Variants in TENM4 observed in about 807,000 individuals in gnomAD.
The protein encoded by TENM4 is teneurin transmembrane protein 4.
In TENM4, 82 loss-of-function variants were observed where a neutral mutation model predicts 243.3. That is an observed-to-expected ratio of 0.34 (90% CI 0.28 to 0.40). TENM4 has a LOEUF of 0.40. Among genes scored for constraint, TENM4 ranks in the 10% least tolerant of loss-of-function variants. The pLI is 1.00. For synonymous variants in TENM4, 1,412 were observed against 1,456.3 expected, an observed-to-expected ratio of 0.97 and a Z score of 0.69; for missense variants, 3,138 against 3,673.3, an observed-to-expected ratio of 0.85 and a Z score of 3.77.
intron 6 of TENM4, among the ~76,000 whole-genome samples, chr11:78,952,018 C>T (rs1031689262): frequency 5.3e-5 from 8 of 152,286 alleles, no homozygotes; most frequent in Admixed American, 6.5e-5. Flanking sequence ...TGGCACACTC[C>T]GTCACCAGTT....
intron 6 of TENM4, among the ~76,000 whole-genome samples, chr11:78,983,485 G>A (rs1857849233): frequency 1.3e-5 from 2 of 152,252 alleles, no homozygotes; most frequent in South Asian, 4.1e-4. Flanking sequence ...ACACATTCCT[G>A]ATGCTCATGG....
intron 2 of TENM4, among the ~76,000 whole-genome samples, chr11:79,282,876 C>T (rs913010758): frequency 2.6e-5 from 4 of 152,062 alleles, no homozygotes; most frequent in Non-Finnish European, 4.4e-5. Context: ...GGCTGGGTCC[C>T]CAGTATTAAG....
intron 2 of TENM4, among the ~76,000 whole-genome samples, chr11:79,279,250 C>A (rs1479489116): frequency 6.6e-6 from 1 of 152,180 alleles, no homozygotes; most frequent in Non-Finnish European, 1.5e-5. Context: ...TCATCACCTT[C>A]TTCCCAGAAG....
chr11:79,439,278 C>T (rs2135632564), intron 1 of TENM4: 1 of 151,506 alleles, frequency 6.6e-6, no homozygotes, highest in East Asian at 2.0e-4. Context: ...TTCACTGCGT[C>T]GATGGTTTAC....
chr11:78,872,435 A>G, intron 9 of TENM4, among the ~76,000 whole-genome samples: 1 of 152,184 alleles, frequency 6.6e-6, no homozygotes, highest in Non-Finnish European at 1.5e-5. Flanking sequence ...AGGAGTCAGC[A>G]TTGCCCTTTG....
At chr11:78,737,637 A>C (rs964378072) in intron 20 of TENM4, among the ~76,000 whole-genome samples, 1 of 152,234 alleles carries the variant, frequency 6.6e-6, no homozygotes, top group African/African-American at 2.4e-5. Context: ...CACCACTGAC[A>C]GCCTAAATAT....
intron 1 of TENM4, among the ~76,000 whole-genome samples, chr11:79,418,708 CCCTG>C (rs1340507192): frequency 1.3e-5 from 2 of 152,236 alleles, no homozygotes; most frequent in African/African-American, 4.8e-5. Flanking sequence ...TTCTGTGAGA[CCCTG>C]CCTGACTGCC....
At chr11:79,307,203 G>A (rs774528918) in intron 1 of TENM4, among the ~76,000 whole-genome samples, 123 of 152,062 alleles carry the variant, frequency 8.1e-4, no homozygotes, top group Admixed American at 1.8e-3. Context: ...AATGTGAATT[G>A]CCCCAGATGC....
chr11:78,702,048 T>A lies in TENM4; in HGVS notation c.4565A>T (p.Asp1522Val), dbSNP rs376909228. 1.9e-5 allele frequency: 31 copies of A among 1,613,632 alleles called. No homozygotes were observed. Among genetic ancestry groups the A allele is most frequent in the Non-Finnish European group, 2.5e-5 (29 of 1,179,730 alleles). The change falls in exon 28 of 34, where the codon GAT becomes GTT. Residue 1522 changes from aspartate (D) to valine (V), a missense_variant. By Grantham distance (152) the Asp-to-Val change is radical. Around this residue, in one of 2 missense-constraint regions of TENM4, gnomAD observed 2,467 missense variants for 3,059.1 expected, o/e 0.81. Transcript: ENST00000278550. ...GCDCKNDANC[D>V]CFSGDDGYAK... is the part of the protein sequence containing the mutation. ...ATAACCATCGTCTCCAGAAAAACAA[T>A]CACAGTTGGCATCATTTTTACAGTC...
intron 1 of TENM4, among the ~76,000 whole-genome samples, chr11:79,400,509 G>C (rs976120138): frequency 1.3e-5 from 2 of 152,060 alleles, no homozygotes; most frequent in African/African-American, 4.8e-5. Context: ...CTCCTGACAG[G>C]CATCTCTCTT....
At chr11:78,798,244 G>T (rs1321923424) in intron 15 of TENM4, among the ~76,000 whole-genome samples, 2 of 152,152 alleles carry the variant, frequency 1.3e-5, no homozygotes, top group African/African-American at 4.8e-5. Context: ...TTTTAACCCG[G>T]TTGCTACTTT....
intron 6 of TENM4, among the ~76,000 whole-genome samples, chr11:78,904,458 G>A (rs1856018652): frequency 6.6e-6 from 1 of 151,914 alleles, no homozygotes; most frequent in Non-Finnish European, 1.5e-5. Context: ...TGTATGTAAG[G>A]GCAGTGGTGA....
chr11:78,694,400 G>A (rs1858904412), intron 28 of TENM4, among the ~76,000 whole-genome samples: 1 of 152,086 alleles, frequency 6.6e-6, no homozygotes, highest in South Asian at 2.1e-4. Context: ...CTCCAAAACT[G>A]GATCAGAGCC....
intron 2 of TENM4, among the ~76,000 whole-genome samples, chr11:79,236,452 C>A (rs1864474391): frequency 6.6e-6 from 1 of 152,152 alleles, no homozygotes; most frequent in South Asian, 2.1e-4. Flanking sequence ...AATGAAATGG[C>A]CCCAGCATCA....
intron 4 of TENM4, among the ~76,000 whole-genome samples, chr11:79,124,749 C>T (rs1861829027): frequency 1.7e-5 from 2 of 117,306 alleles, no homozygotes; most frequent in South Asian, 5.6e-4. Context: ...AGGGACAGAA[C>T]TAATCAAATA....
At chr11:78,820,997 G>A (rs886796948) in intron 12 of TENM4, among the ~76,000 whole-genome samples, 11 of 152,204 alleles carry the variant, frequency 7.2e-5, no homozygotes, top group African/African-American at 2.4e-4. Context: ...CTTTGCAGAC[G>A]ATGGAATTCA....
intron 2 of TENM4, among the ~76,000 whole-genome samples, chr11:79,262,566 C>A (rs1855816941): frequency 1.3e-5 from 2 of 152,222 alleles, no homozygotes; most frequent in Admixed American, 1.3e-4. Context: ...TCTTTCCCAA[C>A]CCCATTTCCT....
At chr11:78,864,531 G>C (rs140756932) in intron 9 of TENM4, among the ~76,000 whole-genome samples, 1 of 149,434 alleles carries the variant, frequency 6.7e-6, no homozygotes, top group Non-Finnish European at 1.5e-5. Flanking sequence ...ACCATAAGGC[G>C]CAAAAGAATG....
chr11:79,106,219 C>T (rs959146881), intron 4 of TENM4, among the ~76,000 whole-genome samples: 5 of 152,164 alleles, frequency 3.3e-5, no homozygotes, highest in East Asian at 3.9e-4. Context: ...TCAAGTCTAG[C>T]GCCAGAGCAT....
Sources: allele counts gnomAD v4.1 joint callset (sites outside exome capture counted in the v4.1 genomes callset), GRCh38; gene constraint gnomAD v4.1.1; regional missense constraint gnomAD v4.1.1; transcripts MANE v1.5; gene names NCBI Gene and HGNC (gene_info 2026-07-23, HGNC 2026-07-21).